The following MCCC2 variants were observed in gnomAD, a reference collection of about 807,000 sequenced individuals.
MCCC2 encodes the protein methylcrotonoyl-CoA carboxylase beta chain, mitochondrial.
A neutral mutation model predicts 77.2 loss-of-function variants in MCCC2; 52 were observed. The ratio of observed to expected loss-of-function variants is 0.67; its 90% CI spans 0.54 to 0.85. The LOEUF is 0.85. MCCC2 is among the 40% of genes least tolerant of loss of function. MCCC2 has a pLI of 0.00. For synonymous variants in MCCC2, 253 were observed against 248.4 expected, an observed-to-expected ratio of 1.02 and a Z score of -0.18; for missense variants, 682 against 703.2, an observed-to-expected ratio of 0.97 and a Z score of 0.34.
rs16903281 is a variant in MCCC2, at chr5:71,620,807, C to T, written c.625-5833C>T. Among the ~76,000 whole-genome samples, 1,322 of 152,314 alleles carry T rather than the reference C, an allele frequency of 8.7e-3. 24 individuals are homozygous for T. Among genetic ancestry groups the T allele is most frequent in the African/African-American group, 0.03 (1,230 of 41,560 alleles). On this transcript the variant is annotated intron_variant, in intron 6 of 16. Coordinates refer to ENST00000340941, the MANE Select transcript of MCCC2 (RefSeq NM_022132.5). ...GTTACTGTCAGGTATGTCTCATCCTCATCCTTCTTGCACGTTCTTACTCTT... is the reference window on the plus strand; with the variant it reads ...GTTACTGTCAGGTATGTCTCATCCTTATCCTTCTTGCACGTTCTTACTCTT...
chr5:71,617,337 A>G (rs920003647), intron 6 of MCCC2, among the ~76,000 whole-genome samples: 1 of 152,122 alleles, frequency 6.6e-6, no homozygotes, highest in African/African-American at 2.4e-5. Flanking sequence ...TCTTCCTCCT[A>G]GCTCCCATAG....
chr5:71,615,265 A>G (rs1165118631), intron 6 of MCCC2, among the ~76,000 whole-genome samples: 1 of 152,154 alleles, frequency 6.6e-6, no homozygotes, highest in African/African-American at 2.4e-5. Context: ...CACCGCGCCC[A>G]GCCAACATTC....
chr5:71,634,750 A>G lies in MCCC2; in HGVS notation c.804-193A>G, dbSNP rs1195710669. ...CTTCAGCTTTTCCTGTTTGTAAAAC[A>G]AAGGGAATACAGTTTTGCCAGAGTT... On this transcript the variant is annotated intron_variant, in intron 8 of 16. Coordinates refer to ENST00000340941, the MANE Select transcript of MCCC2 (RefSeq NM_022132.5). Among the ~76,000 whole-genome samples the G allele has an allele frequency of 2.0e-5, 3 of 152,368 alleles. No homozygotes were observed. In the East Asian group the frequency reaches 5.8e-4, roughly 29 times the overall value.
chr5:71,632,458 G>GT (rs1356682930), intron 8 of MCCC2, among the ~76,000 whole-genome samples: 1 of 152,172 alleles, frequency 6.6e-6, no homozygotes, highest in African/African-American at 2.4e-5. Context: ...ACTGTTCTGG[G>GT]TGCCTGAGGT....
At chr5:71,590,963 G>A (rs1346532552) in intron 1 of MCCC2, among the ~76,000 whole-genome samples, 1 of 152,194 alleles carries the variant, frequency 6.6e-6, no homozygotes, top group Admixed American at 6.5e-5. Flanking sequence ...GTTGTAGGGT[G>A]ACAAGTTCTG....
chr5:71,601,539 G>A (rs1054284704), intron 4 of MCCC2, among the ~76,000 whole-genome samples: 6 of 152,290 alleles, frequency 3.9e-5, no homozygotes, highest in Non-Finnish European at 5.9e-5. Flanking sequence ...TAAAATTGAT[G>A]CTCAAAGAAG....
chr5:71,598,744 C>T (rs1745302906), intron 3 of MCCC2, among the ~76,000 whole-genome samples: 1 of 150,914 alleles, frequency 6.6e-6, no homozygotes, highest in Admixed American at 6.6e-5. Context: ...GCATGAGCCA[C>T]CGTGCCTGGC....
intron 13 of MCCC2, 45 bp downstream of exon 13, chr5:71,646,322 T>C (rs751239038): frequency 6.4e-7 from 1 of 1,567,154 alleles, no homozygotes. Context: ...ATTCCAGAGC[T>C]GTACCATCAG....
intron 16 of MCCC2, 28 bp from the exon 17 acceptor site, chr5:71,656,715 C>T: frequency 6.4e-7 from 1 of 1,569,564 alleles, no homozygotes. Flanking sequence ...GTGGTAAATT[C>T]ATAACTCTTT....
In MCCC2 at chr5:71,613,825, C is replaced by A. The variant is rs139107720; in HGVS notation, c.624+9357C>A. Among the ~76,000 whole-genome samples, 13 of 151,904 alleles carry A rather than the reference C, an allele frequency of 8.6e-5. No individual in the cohort carries two copies. The East Asian group carries it at 2.5e-3, about 29-fold the overall frequency. On this transcript the variant is annotated intron_variant, in intron 6 of 16. Coordinates refer to ENST00000340941, the MANE Select transcript of MCCC2 (RefSeq NM_022132.5). ...TGTTTTCAGTATGAAGAAAAGTGCT[C>A]ACACATAGCCGGACATCTTCAGTGC...
chr5:71,645,836 C>T (rs956694918), intron 12 of MCCC2, among the ~76,000 whole-genome samples: 3 of 152,128 alleles, frequency 2.0e-5, no homozygotes, highest in African/African-American at 7.2e-5. Context: ...GTTACATATC[C>T]TATTGATAAT....
chr5:71,596,275 C>A lies in MCCC2; in HGVS notation c.197-5C>A. ...TAATCTAATCTAATCACATTTCTATCATAGGAGGTGGTGAGAAAGCCCGAG... is the reference window on the plus strand; with the variant it reads ...TAATCTAATCTAATCACATTTCTATAATAGGAGGTGGTGAGAAAGCCCGAG... On this transcript the variant is annotated splice_region_variant and splice_polypyrimidine_tract_variant and intron_variant, in intron 2 of 16. Transcript: ENST00000340941. 1 of 1,612,546 alleles carries A rather than the reference C, an allele frequency of 6.2e-7. No homozygotes were observed. The highest frequency in any genetic ancestry group is 8.5e-7 in the Non-Finnish European group (1 of 1,178,636).
At chr5:71,624,228 C>T (rs1251347837) in intron 6 of MCCC2, among the ~76,000 whole-genome samples, 1 of 152,230 alleles carries the variant, frequency 6.6e-6, no homozygotes. Flanking sequence ...CCAAAGGCCT[C>T]TGCCTCCGCA....
intron 6 of MCCC2, among the ~76,000 whole-genome samples, chr5:71,609,747 G>A (rs1197030425): frequency 6.6e-6 from 1 of 152,012 alleles, no homozygotes; most frequent in Admixed American, 6.5e-5. Context: ...TGGGTTTTTG[G>A]TGTGGATGTC....
At chr5:71,613,419 G>A (rs1222571922) in intron 6 of MCCC2, among the ~76,000 whole-genome samples, 2 of 152,224 alleles carry the variant, frequency 1.3e-5, no homozygotes, top group South Asian at 4.1e-4. Context: ...AGCAATACCT[G>A]CTTATGATAA....
At position 71,653,186 on chromosome 5, in the gene MCCC2, C is replaced by A. The variant is rs534840166; in HGVS notation, c.1574+432C>A. ...TTTTAAACATGAGATTGGTTGAACA[C>A]TTACTGGCATTTGTTGACAAGTATG... On this transcript the variant is annotated intron_variant, in intron 16 of 16. Transcript: ENST00000340941. Among the ~76,000 whole-genome samples the A allele has an allele frequency of 7.9e-5, 12 of 152,358 alleles. No individual in the cohort carries two copies. The South Asian group carries it at 2.5e-3, about 32-fold the overall frequency.
At chr5:71,641,835 G>T (rs1352559412) in intron 11 of MCCC2, among the ~76,000 whole-genome samples, 1 of 152,142 alleles carries the variant, frequency 6.6e-6, no homozygotes, top group Non-Finnish European at 1.5e-5. Context: ...TATACATTGA[G>T]GCTTAAGGAT....
intron 6 of MCCC2, among the ~76,000 whole-genome samples, chr5:71,625,945 C>T (rs939296160): frequency 1.3e-5 from 2 of 152,070 alleles, no homozygotes; most frequent in African/African-American, 4.8e-5. Flanking sequence ...TTGGTGGTAT[C>T]GTTCAATCCT....
At chr5:71,602,969 T>C in intron 5 of MCCC2, 1 of 291,818 alleles carries the variant, frequency 3.4e-6, no homozygotes, top group South Asian at 4.4e-5. Flanking sequence ...TTTATAGATC[T>C]CTTGAGTGCC....
Sources: allele counts gnomAD v4.1 joint callset (sites outside exome capture counted in the v4.1 genomes callset), GRCh38; gene constraint gnomAD v4.1.1; transcripts MANE v1.5; gene names NCBI Gene and HGNC (gene_info 2026-07-23, HGNC 2026-07-21).